Variants in SMYD1 observed in about 807,000 individuals in gnomAD.
SMYD1 encodes histone-lysine N-methyltransferase SMYD1.
In SMYD1, 49 loss-of-function variants were observed where a neutral mutation model predicts 54.0. The ratio of observed to expected loss-of-function variants is 0.91; its 90% confidence interval spans 0.72 to 1.15. The LOEUF is 1.15. SMYD1 is among the 50% of genes most tolerant of loss of function. The pLI, the probability that SMYD1 is intolerant of heterozygous loss-of-function variation, is 0.00. For synonymous variants in SMYD1, 269 were observed against 234.2 expected, an observed-to-expected ratio of 1.15 and a Z score of -1.36; for missense variants, 653 against 639.6, an observed-to-expected ratio of 1.02 and a Z score of -0.23.
intron 1 of SMYD1, among the ~76,000 whole-genome samples, chr2:88,076,640 G>A (rs1297901938): frequency 6.6e-6 from 1 of 152,214 alleles, no homozygotes; most frequent in African/African-American, 2.4e-5. Flanking sequence ...AAGAAAAGAA[G>A]AAGGAATGAG....
intron 1 of SMYD1, among the ~76,000 whole-genome samples, chr2:88,075,576 T>G (rs1674044198): frequency 7.2e-6 from 1 of 138,052 alleles, no homozygotes; most frequent in Non-Finnish European, 1.5e-5. Context: ...CTCACTCTGT[T>G]GGTCAAGCTG....
Position 88,110,402 on chromosome 2 carries a change from G to A in SMYD1, c.1363G>A (p.Glu455Lys), listed in dbSNP as rs770519021. Residue 455 changes from glutamate to lysine, a missense_variant, in exon 10 of 10, where the codon GAA becomes AAA. By Grantham distance (56) the Glu-to-Lys change is moderately conservative (BLOSUM62 1). Coordinates refer to ENST00000419482, the MANE Select transcript of SMYD1 (RefSeq NM_198274.4). ...EMELRMFRQN[E>K]FMYYKMREAA... ...GGAGCTACGCATGTTCCGCCAGAACGAATTCATGTACTACAAGATGCGCGA... is the reference window on the plus strand; with the variant it reads ...GGAGCTACGCATGTTCCGCCAGAACAAATTCATGTACTACAAGATGCGCGA... 4 of 1,612,736 alleles carry A rather than the reference G, an allele frequency of 2.5e-6. No homozygotes were observed. Among genetic ancestry groups the A allele is most frequent in the Non-Finnish European group, 2.5e-6 (3 of 1,179,440 alleles).
At position 88,087,849 on chromosome 2, in the gene SMYD1, G is replaced by A. The variant is rs1352234674; in HGVS notation, c.315-13G>A. On this transcript the variant is annotated splice_polypyrimidine_tract_variant and intron_variant, in intron 2 of 9. Coordinates refer to ENST00000419482, the MANE Select transcript of SMYD1 (RefSeq NM_198274.4). ...GCAGCTGTAGTGGCCTCCTGACGCT[G>A]CCCTTCCCACAGGCTGGCGGCGCGC... The A allele has an allele frequency of 1.9e-6, 3 of 1,556,068 alleles. No homozygotes were observed. The highest frequency in any genetic ancestry group is 2.6e-6 in the Non-Finnish European group (3 of 1,150,628).
intron 3 of SMYD1, among the ~76,000 whole-genome samples, chr2:88,090,242 A>C (rs2919854): frequency 6.6e-6 from 1 of 151,966 alleles, no homozygotes; most frequent in African/African-American, 2.4e-5. Flanking sequence ...ATGTCTACTG[A>C]GTTTCTGTTA....
intron 1 of SMYD1, among the ~76,000 whole-genome samples, chr2:88,071,206 C>T (rs1673940045): frequency 6.6e-6 from 1 of 152,100 alleles, no homozygotes; most frequent in South Asian, 2.1e-4. Context: ...TTGCTATGAA[C>T]ATTTTTGCTC....
chr2:88,112,026 T>C lies in SMYD1; in HGVS notation c.*1514T>C. 1.4e-6 allele frequency: 1 copy of C among 702,860 alleles called. No homozygotes were observed. Among genetic ancestry groups the C allele is most frequent in the South Asian group, 1.5e-5 (1 of 67,566 alleles). 43.5% of individuals were successfully genotyped at this position (702,860 alleles called of 1,614,324 possible). ...AGCACTACCCAGTGGCTGAAAACTC[T>C]GCAAATGGGCCACACTTTTGCAAAA... is the stretch of plus-strand genomic sequence containing the variant. On this transcript the variant is annotated 3_prime_UTR_variant, in exon 10 of 10. Transcript: ENST00000419482.
At chr2:88,077,304 G>T (rs150779152) in intron 1 of SMYD1, among the ~76,000 whole-genome samples, 1,637 of 152,356 alleles carry the variant, frequency 0.011, 32 homozygotes, top group African/African-American at 0.037. Flanking sequence ...GAGGGGACCA[G>T]CTGCTGGAGC....
In SMYD1 at chr2:88,088,016, T is replaced by G. The variant is rs1376665457; in HGVS notation, c.469T>G (p.Tyr157Asp). ...LRVDVDTFLQ[Y>D]WPPQSQQFSM... is the part of the protein sequence containing the mutation. ...GGTGGACGTGGACACATTCTTGCAG[T>G]ACTGGCCGCCGCAGAGCCAGCAGTT... The change falls in exon 3 of 10, where the codon TAC (tyrosine) becomes GAC (aspartate). Residue 157 changes from tyrosine (Y) to aspartate (D), a missense_variant. Tyr to Asp is a radical substitution (Grantham distance 160, BLOSUM62 -3). Transcript: ENST00000419482. The G allele has an allele frequency of 1.2e-6, 2 of 1,614,048 alleles. No individual in the cohort carries two copies. The highest frequency in any genetic ancestry group is 2.7e-5 in the African/African-American group (2 of 74,936).
At position 88,067,959 on chromosome 2, in the gene SMYD1, T is replaced by C. The variant is rs143754722; in HGVS notation, c.95T>C (p.Ile32Thr). ...ACCAAGGAGTTCTGGGCTGCAGATA[T>C]CATCTTTGCTGAGCGGGCTTATTCC... is the stretch of plus-strand genomic sequence containing the variant. Reference protein sequence around the residue: ...KATKEFWAADIIFAERAYSAV... With the variant: ...KATKEFWAADTIFAERAYSAV... Residue 32 changes from isoleucine (I) to threonine (T), a missense_variant, in exon 1 of 10, where the codon ATC (isoleucine) becomes ACC (threonine). By Grantham distance (89) the Ile-to-Thr change is moderately conservative (BLOSUM62 -1). Coordinates refer to ENST00000419482, the MANE Select transcript of SMYD1 (RefSeq NM_198274.4). The C allele has an allele frequency of 9.4e-5, 151 of 1,613,890 alleles. No individual in the cohort carries two copies. The African/African-American group carries it at 9.6e-4, about 10-fold the overall frequency.
At chr2:88,110,052 A>G (rs1488437173) in intron 9 of SMYD1, among the ~76,000 whole-genome samples, 7 of 152,174 alleles carry the variant, frequency 4.6e-5, no homozygotes, top group Non-Finnish European at 1.0e-4. Context: ...TGCAGGGGCC[A>G]GGGTTCAAAT....
chr2:88,077,880 C>T (rs543615199), intron 1 of SMYD1, among the ~76,000 whole-genome samples: 2 of 152,054 alleles, frequency 1.3e-5, no homozygotes, highest in Non-Finnish European at 2.9e-5. Context: ...CCCGCCACCA[C>T]GCCTGGCTAA....
intron 6 of SMYD1, among the ~76,000 whole-genome samples, chr2:88,099,109 C>A (rs569558656): frequency 5.3e-5 from 8 of 151,886 alleles, no homozygotes; most frequent in Admixed American, 5.3e-4. Context: ...ATTTTTGAGA[C>A]GAGGTTTCAC....
chr2:88,070,967 A>C (rs13024214), intron 1 of SMYD1, among the ~76,000 whole-genome samples: 2 of 147,176 alleles, frequency 1.4e-5, no homozygotes, highest in Non-Finnish European at 1.5e-5. Context: ...AAAAAAAAAA[A>C]CAGTAATAGT....
At position 88,111,923 on chromosome 2, in the gene SMYD1, C is replaced by CA. The variant is rs1675032737; in HGVS notation, c.*1412dup. 1.6e-6 allele frequency: 1 copy of CA among 636,640 alleles called. No homozygotes were observed. Among genetic ancestry groups the CA allele is most frequent in the African/African-American group, 1.8e-5 (1 of 55,464 alleles). The allele number at this position is 636,640 out of a possible 1,614,324, so 39.4% of individuals were successfully genotyped here. A position where few individuals can be genotyped will look rare whatever the true frequency, so the allele number is the denominator to read the frequency against. The stretch of plus-strand genomic sequence containing the variant: ...ACATCTTGAAGTAAATTGATCCCAC[C>CA]AGGTCCCACGTTTGTTATCTCTGCC... On this transcript the variant is annotated 3_prime_UTR_variant, in exon 10 of 10. Transcript: ENST00000419482.
At chr2:88,101,181 A>C (rs938341901) in intron 6 of SMYD1, among the ~76,000 whole-genome samples, 4 of 152,244 alleles carry the variant, frequency 2.6e-5, no homozygotes, top group African/African-American at 9.6e-5. Flanking sequence ...ATACATTTTC[A>C]TTGGAACAAA....
chr2:88,091,905 C>T (rs1286033974), intron 4 of SMYD1, among the ~76,000 whole-genome samples: 8 of 152,138 alleles, frequency 5.3e-5, no homozygotes, highest in African/African-American at 1.7e-4. Flanking sequence ...AATATAACAA[C>T]AAAAAGAAAC....
Position 88,068,001 on chromosome 2 carries a change from G to T in SMYD1, c.137G>T (p.Ser46Ile). The T allele has an allele frequency of 6.2e-7, 1 of 1,612,402 alleles. No individual in the cohort carries two copies. The highest frequency in any genetic ancestry group is 8.5e-7 in the Non-Finnish European group (1 of 1,179,386). ...GCTTATTCCGCAGTGGTTTTTGACA[G>T]GTATGAAATGTGGGGAGTTGCCTTC... ...ERAYSAVVFD[S>I]LVNFVCHTCF... The change falls in exon 1 of 10, where the codon AGC becomes ATC. Residue 46 changes from serine (S) to isoleucine (I), a missense_variant and splice_region_variant. Ser to Ile is a moderately radical substitution (Grantham distance 142, BLOSUM62 -2). Transcript: ENST00000419482.
At chr2:88,090,087 G>C (rs1224664234) in intron 3 of SMYD1, among the ~76,000 whole-genome samples, 1 of 152,208 alleles carries the variant, frequency 6.6e-6, no homozygotes, top group Non-Finnish European at 1.5e-5. Context: ...AGGGCTCAGA[G>C]AAGAAAGAAG....
At chr2:88,103,431 T>C (rs1363095587) in intron 7 of SMYD1, among the ~76,000 whole-genome samples, 1 of 152,144 alleles carries the variant, frequency 6.6e-6, no homozygotes, top group Non-Finnish European at 1.5e-5. Context: ...CTGTGATAGC[T>C]AAACCTGGTA....
Sources: gnomAD v4.1 joint callset for allele counts (sites outside exome capture counted in the v4.1 genomes callset) on GRCh38, gnomAD v4.1.1 for gene constraint, MANE v1.5 for transcripts, NCBI Gene and HGNC (gene_info 2026-07-23, HGNC 2026-07-21) for gene names.